ERC2: variants seen among roughly 807,000 people sequenced by gnomAD.
The protein encoded by ERC2 is ELKS/RAB6-interacting/CAST family member 2.
A neutral mutation model predicts 114.8 loss-of-function variants in ERC2; 42 were observed. The ratio of observed to expected loss-of-function variants is 0.37; its 90% CI spans 0.29 to 0.47. The LOEUF (loss-of-function observed/expected upper bound fraction) is 0.47. Among genes scored for constraint, ERC2 ranks in the 20% least tolerant of loss-of-function variants. ERC2 has a pLI of 0.99. For synonymous variants in ERC2, 454 were observed against 425.5 expected (o/e 1.07, Z -0.82); for missense variants, 939 against 1,150.7 (o/e 0.82, Z 2.66).
intron 3 of ERC2, among the ~76,000 whole-genome samples, chr3:56,270,060 AC>A (rs1347453606): frequency 3.3e-5 from 3 of 90,642 alleles, no homozygotes; most frequent in Non-Finnish European, 8.4e-5. Flanking sequence ...CTACACCCAA[AC>A]CATTTAAGGA....
rs143167915 is a variant in ERC2 at position 56,212,748 on chromosome 3, A to ATGTG, written c.1075-39232_1075-39229dup. On this transcript the variant is annotated intron_variant, in intron 3 of 17. Coordinates refer to ENST00000288221, the MANE Select transcript of ERC2 (RefSeq NM_015576.3). ...TGGATACAGAAAATATGATATATATATGTGTGTGTGTGTGTGCACCAAAAT... is the reference window on the plus strand; with the variant it reads ...TGGATACAGAAAATATGATATATATATGTGTGTGTGTGTGTGTGTGCACCAAAAT... Among the ~76,000 whole-genome samples, 3 of 151,542 alleles carry ATGTG rather than the reference A, an allele frequency of 2.0e-5. No individual in the cohort carries two copies. The East Asian group carries it at 5.8e-4, about 29-fold the overall frequency.
intron 13 of ERC2, among the ~76,000 whole-genome samples, chr3:55,898,186 T>C (rs1425580901): frequency 6.6e-6 from 1 of 152,272 alleles, no homozygotes; most frequent in East Asian, 1.9e-4. Flanking sequence ...TGACACTTTC[T>C]CCAAAATGCC....
intron 3 of ERC2, among the ~76,000 whole-genome samples, chr3:56,222,164 TAC>T (rs1168064948): frequency 1.3e-5 from 2 of 152,140 alleles, no homozygotes; most frequent in Non-Finnish European, 2.9e-5. Context: ...TTACTGAGGG[TAC>T]TACATCCATG....
chr3:55,974,600 G>A (rs544271419), intron 12 of ERC2, among the ~76,000 whole-genome samples: 8 of 152,168 alleles, frequency 5.3e-5, no homozygotes, highest in Middle Eastern at 3.4e-3. Context: ...AGAATTCCCC[G>A]CAGGGAACCA....
intron 17 of ERC2, among the ~76,000 whole-genome samples, chr3:55,517,775 G>C (rs2052631775): frequency 2.0e-5 from 3 of 152,120 alleles, no homozygotes; most frequent in African/African-American, 7.2e-5. Context: ...TCTACATTTT[G>C]GGCTTTTGTC....
At chr3:55,622,063 ATC>A (rs1295961293) in intron 17 of ERC2, among the ~76,000 whole-genome samples, 1 of 152,300 alleles carries the variant, frequency 6.6e-6, no homozygotes, top group East Asian at 1.9e-4. Flanking sequence ...TTCCATCCGA[ATC>A]TGTTTGCTTC....
intron 4 of ERC2, among the ~76,000 whole-genome samples, chr3:56,150,970 C>G (rs2081382217): frequency 6.6e-6 from 1 of 152,074 alleles, no homozygotes. Flanking sequence ...CTCTCGCTCT[C>G]TCTACCAAGA....
At chr3:55,747,531 A>T (rs2066384606) in intron 14 of ERC2, among the ~76,000 whole-genome samples, 1 of 152,260 alleles carries the variant, frequency 6.6e-6, no homozygotes, top group African/African-American at 2.4e-5. Context: ...TCCACGCCGT[A>T]AGGAAAAGAA....
intron 2 of ERC2, among the ~76,000 whole-genome samples, chr3:56,370,587 G>GTTT (rs1404693067): frequency 1.7e-3 from 231 of 138,296 alleles, no homozygotes; most frequent in African/African-American, 4.2e-3. Flanking sequence ...TTTGGTGGGG[G>GTTT]TTTTTTTGTT....
chr3:56,234,799 T>C (rs2150186403), intron 3 of ERC2, among the ~76,000 whole-genome samples: 1 of 152,312 alleles, frequency 6.6e-6, no homozygotes, highest in South Asian at 2.1e-4. Context: ...CTCATCCTTT[T>C]ATAAGAAACT....
At chr3:56,440,091 CAACT>C (rs2107434752) in intron 1 of ERC2, among the ~76,000 whole-genome samples, 1 of 152,044 alleles carries the variant, frequency 6.6e-6, no homozygotes, top group East Asian at 1.9e-4. Flanking sequence ...ATTATTAAAC[CAACT>C]AATAGATTAT....
At chr3:55,799,013 C>A (rs899079740) in intron 14 of ERC2, among the ~76,000 whole-genome samples, 1 of 152,004 alleles carries the variant, frequency 6.6e-6, no homozygotes, top group Non-Finnish European at 1.5e-5. Context: ...AGCGCATGTA[C>A]GTAAGAGGGT....
chr3:56,451,437 A>G (rs976679289), intron 1 of ERC2, among the ~76,000 whole-genome samples: 1 of 152,234 alleles, frequency 6.6e-6, no homozygotes, highest in Non-Finnish European at 1.5e-5. Flanking sequence ...TATGGAGACA[A>G]GCATTCATCT....
chr3:56,032,901 CAGAAAGAAAGAAAG>C (rs1257706273), intron 7 of ERC2, among the ~76,000 whole-genome samples: 2 of 36,864 alleles, frequency 5.4e-5, no homozygotes, highest in African/African-American at 1.7e-4. Context: ...GAGAGAGAGA[CAGAAAGAAAGAAAG>C]AAAGAAAGAA....
intron 7 of ERC2, among the ~76,000 whole-genome samples, chr3:56,073,152 T>C (rs1314692271): frequency 1.4e-4 from 22 of 152,320 alleles, no homozygotes; most frequent in Admixed American, 9.2e-4. Flanking sequence ...AAAAATGTTA[T>C]GCATTTCAAC....
intron 17 of ERC2, chr3:55,658,621 A>G (rs2060982045): frequency 6.6e-6 from 1 of 152,668 alleles, no homozygotes; most frequent in African/African-American, 2.4e-5. Context: ...AAAGCAATGG[A>G]TGGCTGTACA....
chr3:56,013,034 G>A (rs1365446085), intron 8 of ERC2, among the ~76,000 whole-genome samples: 1 of 152,164 alleles, frequency 6.6e-6, no homozygotes, highest in Non-Finnish European at 1.5e-5. Context: ...TATCTGCTAT[G>A]TGGCTACAGC....
At chr3:55,910,341 G>A (rs1407599090) in intron 13 of ERC2, among the ~76,000 whole-genome samples, 2 of 151,030 alleles carry the variant, frequency 1.3e-5, no homozygotes, top group Non-Finnish European at 2.9e-5. Flanking sequence ...GTAGTGAGCC[G>A]AGATCACACC....
intron 12 of ERC2, among the ~76,000 whole-genome samples, chr3:55,956,391 A>G (rs978606184): frequency 6.6e-6 from 1 of 152,208 alleles, no homozygotes; most frequent in Non-Finnish European, 1.5e-5. Context: ...TGCACATTGC[A>G]TGCAGAATTT....
Sources: allele counts gnomAD v4.1 joint callset (sites outside exome capture counted in the v4.1 genomes callset), GRCh38; gene constraint gnomAD v4.1.1; transcripts MANE v1.5; gene names NCBI Gene and HGNC (gene_info 2026-07-23, HGNC 2026-07-21).